Variants in NSUN3 observed in about 807,000 individuals in gnomAD.
NSUN3 encodes NOP2/Sun RNA methyltransferase 3, also known as tRNA (cytosine(34)-C(5))-methyltransferase, mitochondrial.
In NSUN3, 24 loss-of-function variants were observed where a neutral mutation model predicts 36.8. The observed-to-expected ratio is 0.65, with a 90% CI of 0.47 to 0.92. The LOEUF is 0.92. Ranked by LOEUF, NSUN3 falls within the 40% of genes least tolerant of loss-of-function variation. The pLI is 0.00. For missense variants in NSUN3, 381 were observed against 392.8 expected (o/e 0.97, Z 0.25); for synonymous variants, 146 against 145.2 (o/e 1.01, Z -0.04).
At chr3:94,071,813 G>C (rs2077225538) in intron 2 of NSUN3, among the ~76,000 whole-genome samples, 2 of 152,138 alleles carry the variant, frequency 1.3e-5, no homozygotes, top group African/African-American at 2.4e-5. Context: ...GTTTTCTAGA[G>C]TCATCTAACA....
intron 5 of NSUN3, among the ~76,000 whole-genome samples, chr3:94,125,003 T>C (rs2077479605): frequency 6.6e-6 from 1 of 152,208 alleles, no homozygotes; most frequent in Non-Finnish European, 1.5e-5. Flanking sequence ...GTTGTACTTT[T>C]TGTGGAGAGA....
chr3:94,064,276 A>G lies in NSUN3; in HGVS notation c.13-161A>G, dbSNP rs150161833. The G allele has an allele frequency of 1.3e-3, 773 of 576,668 alleles. 1 individual carries two copies. The highest frequency in any genetic ancestry group is 2.0e-3 in the Non-Finnish European group (646 of 324,236). 35.7% of individuals were successfully genotyped at this position (576,668 alleles called of 1,614,324 possible). Reference sequence around the variant, plus strand: ...AAAAACCTTGCTTTTTCATAATTAGATAATGTACAGTTTTGGTACATGTAA... The same window carrying G: ...AAAAACCTTGCTTTTTCATAATTAGGTAATGTACAGTTTTGGTACATGTAA... On this transcript the variant is annotated intron_variant, in intron 1 of 5. Coordinates refer to ENST00000314622, the MANE Select transcript of NSUN3 (RefSeq NM_022072.5).
intron 2 of NSUN3, chr3:94,077,043 G>T: frequency 1.2e-6 from 1 of 806,412 alleles, no homozygotes; most frequent in Non-Finnish European, 2.3e-6. Context: ...GGGCAGTTAG[G>T]CTGGGCCACT....
intron 5 of NSUN3, among the ~76,000 whole-genome samples, chr3:94,097,810 C>G (rs1368830423): frequency 6.6e-6 from 1 of 152,140 alleles, no homozygotes; most frequent in Non-Finnish European, 1.5e-5. Flanking sequence ...CGCTCCTCAT[C>G]AGCTCATCCC....
chr3:94,072,782 C>T (rs1042537103), intron 2 of NSUN3, among the ~76,000 whole-genome samples: 4 of 151,974 alleles, frequency 2.6e-5, no homozygotes, highest in Admixed American at 2.6e-4. Context: ...AGTTCTGCCT[C>T]AGTCTGCAAT....
chr3:94,080,672 T>C (rs944489604), intron 2 of NSUN3, among the ~76,000 whole-genome samples: 7 of 152,180 alleles, frequency 4.6e-5, no homozygotes, highest in African/African-American at 1.7e-4. Context: ...CTCCGCCCAG[T>C]TCAAACTTCC....
At chr3:94,114,364 G>A (rs889470406) in intron 5 of NSUN3, among the ~76,000 whole-genome samples, 3 of 151,980 alleles carry the variant, frequency 2.0e-5, no homozygotes, top group South Asian at 2.1e-4. Context: ...TGTGACCTTC[G>A]ATTTGATAAA....
In NSUN3 at chr3:94,094,987, T is replaced by A. The variant is rs796922213; in HGVS notation, c.622-46T>A. On this transcript the variant is annotated intron_variant, in intron 4 of 5. Coordinates refer to ENST00000314622, the MANE Select transcript of NSUN3 (RefSeq NM_022072.5). The stretch of plus-strand genomic sequence containing the variant: ...TCTCTATCTACTTCGTGCCTGAGAA[T>A]AGATTGTCAGTGCATATTTGCATCA... 6 of 1,602,344 alleles carry A rather than the reference T, an allele frequency of 3.7e-6. No individual in the cohort carries two copies. The African/African-American group carries it at 8.0e-5, about 21-fold the overall frequency.
At chr3:94,070,835 G>GA (rs2077222455) in intron 2 of NSUN3, among the ~76,000 whole-genome samples, 1 of 152,144 alleles carries the variant, frequency 6.6e-6, no homozygotes. Context: ...CAAGTCAGGT[G>GA]GTTTCCAAGT....
chr3:94,112,090 G>C (rs1374577449), intron 5 of NSUN3, among the ~76,000 whole-genome samples: 2 of 152,150 alleles, frequency 1.3e-5, no homozygotes, highest in Non-Finnish European at 2.9e-5. Context: ...ATTCCATCTT[G>C]TTCCAGGGAG....
At chr3:94,097,378 C>A (rs1016774927) in intron 5 of NSUN3, among the ~76,000 whole-genome samples, 2 of 150,712 alleles carry the variant, frequency 1.3e-5, no homozygotes, top group South Asian at 4.2e-4. Flanking sequence ...TTTTTTTTAA[C>A]CAAATATTTC....
chr3:94,100,417 T>C (rs1354162938), intron 5 of NSUN3, among the ~76,000 whole-genome samples: 1 of 152,170 alleles, frequency 6.6e-6, no homozygotes, highest in East Asian at 1.9e-4. Context: ...CCGTGTGGAA[T>C]CTAAGAGTTG....
chr3:94,121,053 G>GT (rs1210261476), intron 5 of NSUN3, among the ~76,000 whole-genome samples: 1 of 152,132 alleles, frequency 6.6e-6, no homozygotes, highest in East Asian at 1.9e-4. Flanking sequence ...TGTATTAGTT[G>GT]TTTCCTATTG....
At chr3:94,121,689 A>G (rs923801318) in intron 5 of NSUN3, among the ~76,000 whole-genome samples, 9 of 152,210 alleles carry the variant, frequency 5.9e-5, no homozygotes, top group African/African-American at 2.2e-4. Flanking sequence ...CCGAAGTATG[A>G]GAAGACCCTC....
chr3:94,109,743 T>C (rs974759668), intron 5 of NSUN3, among the ~76,000 whole-genome samples: 3 of 152,204 alleles, frequency 2.0e-5, no homozygotes, highest in African/African-American at 7.2e-5. Flanking sequence ...GTGGGCACAG[T>C]TGCTGCCCTT....
intron 5 of NSUN3, among the ~76,000 whole-genome samples, chr3:94,111,996 C>A (rs1333266813): frequency 6.6e-6 from 1 of 151,990 alleles, no homozygotes; most frequent in Non-Finnish European, 1.5e-5. Context: ...AGGCTAAGTC[C>A]CAAATTTGCT....
intron 3 of NSUN3, among the ~76,000 whole-genome samples, chr3:94,088,021 T>C (rs1409858872): frequency 6.6e-6 from 1 of 152,168 alleles, no homozygotes; most frequent in Non-Finnish European, 1.5e-5. Context: ...GACTCCTTTC[T>C]TGGTTTAATT....
intron 5 of NSUN3, among the ~76,000 whole-genome samples, chr3:94,116,575 C>T (rs2077441027): frequency 6.6e-6 from 1 of 152,070 alleles, no homozygotes; most frequent in African/African-American, 2.4e-5. Context: ...GATTTACTTG[C>T]AACAATAATT....
chr3:94,084,524 T>G, intron 3 of NSUN3, 74 bp downstream of exon 3: 1 of 1,165,578 alleles, frequency 8.6e-7, no homozygotes, highest in Non-Finnish European at 1.2e-6. Context: ...AAAGTATATA[T>G]GGGGAGAAAC....
Sources: gnomAD v4.1 joint callset for allele counts (sites outside exome capture counted in the v4.1 genomes callset) on GRCh38, gnomAD v4.1.1 for gene constraint, MANE v1.5 for transcripts, NCBI Gene and HGNC (gene_info 2026-07-23, HGNC 2026-07-21) for gene names.